Variants in FSTL5 observed in about 807,000 individuals in gnomAD.
The protein encoded by FSTL5 is follistatin like 5, also known as follistatin-related protein 5.
In FSTL5, 62 loss-of-function variants were observed where a neutral mutation model predicts 89.1. The ratio of observed to expected loss-of-function variants is 0.70; its 90% CI spans 0.57 to 0.86. FSTL5 has a LOEUF of 0.86. Ranked by LOEUF, FSTL5 falls within the 40% of genes least tolerant of loss-of-function variation. The probability of loss-of-function intolerance (pLI) is 0.00; values close to 1 mark genes in which losing one functional copy is unlikely to be tolerated. For synonymous variants in FSTL5, 383 were observed against 346.2 expected (o/e 1.11, Z -1.18); for missense variants, 1,057 against 1,001.6 (o/e 1.06, Z -0.75).
chr4:161,745,683 T>C (rs560562995), intron 6 of FSTL5, among the ~76,000 whole-genome samples: 1 of 152,094 alleles, frequency 6.6e-6, no homozygotes, highest in Admixed American at 6.6e-5. Context: ...AAAAAATCAC[T>C]CATTGTAGCA....
At chr4:161,431,497 T>C (rs1043964423) in intron 15 of FSTL5, among the ~76,000 whole-genome samples, 2 of 145,292 alleles carry the variant, frequency 1.4e-5, no homozygotes, top group Non-Finnish European at 3.0e-5. Flanking sequence ...AATGAAAACA[T>C]ACTACCAGAA....
At chr4:161,962,112 G>A (rs359509) in intron 3 of FSTL5, among the ~76,000 whole-genome samples, 150,294 of 151,944 alleles carry the variant, frequency 0.99, 74,358 homozygotes, top group Middle Eastern at 1. Context: ...GCACTTGCAG[G>A]AATATTAAAT....
At chr4:161,684,873 T>C (rs564467476) in intron 6 of FSTL5, among the ~76,000 whole-genome samples, 3 of 152,328 alleles carry the variant, frequency 2.0e-5, no homozygotes, top group Admixed American at 6.5e-5. Context: ...TCTTGTAGAA[T>C]TTTTATAGTT....
At chr4:161,598,668 C>T (rs1027946374) in intron 7 of FSTL5, among the ~76,000 whole-genome samples, 4 of 151,990 alleles carry the variant, frequency 2.6e-5, no homozygotes, top group African/African-American at 9.7e-5. Flanking sequence ...ATATACGATA[C>T]CTAGATAGCC....
At chr4:162,142,713 A>G (rs1320264641) in intron 1 of FSTL5, among the ~76,000 whole-genome samples, 2 of 152,124 alleles carry the variant, frequency 1.3e-5, no homozygotes, top group African/African-American at 2.4e-5. Context: ...TTATTGATAT[A>G]CTCCAATTTT....
intron 5 of FSTL5, among the ~76,000 whole-genome samples, chr4:161,763,277 T>C (rs1740871955): frequency 6.6e-6 from 1 of 152,004 alleles, no homozygotes; most frequent in Non-Finnish European, 1.5e-5. Context: ...CAAAGAAATA[T>C]AGTAGTAAAT....
At chr4:162,009,458 A>G (rs928627628) in intron 3 of FSTL5, among the ~76,000 whole-genome samples, 1 of 152,202 alleles carries the variant, frequency 6.6e-6, no homozygotes, top group African/African-American at 2.4e-5. Context: ...CAAAATGAAT[A>G]CAATAATTGT....
At chr4:161,784,004 C>T (rs1010893085) in intron 4 of FSTL5, among the ~76,000 whole-genome samples, 1 of 150,830 alleles carries the variant, frequency 6.6e-6, no homozygotes, top group Admixed American at 6.6e-5. Context: ...GGCGTGATCT[C>T]GGCTCACTGC....
intron 2 of FSTL5, among the ~76,000 whole-genome samples, chr4:162,059,105 A>G (rs1338768993): frequency 6.6e-6 from 1 of 152,216 alleles, no homozygotes; most frequent in African/African-American, 2.4e-5. Context: ...GGCCATAGGC[A>G]TATCTTTTAA....
At chr4:161,495,071 AAAC>A (rs70937657) in intron 12 of FSTL5, 7 of 152,120 alleles carry the variant, frequency 4.6e-5, no homozygotes, top group Middle Eastern at 3.1e-3. Context: ...CAATAAAACA[AAAC>A]AACAACAACA....
At chr4:161,572,496 A>G (rs1384315979) in intron 8 of FSTL5, among the ~76,000 whole-genome samples, 1 of 152,104 alleles carries the variant, frequency 6.6e-6, no homozygotes, top group East Asian at 1.9e-4. Flanking sequence ...CAGACACAGA[A>G]GACTCACTGA....
At chr4:161,475,965 G>A (rs1299419650) in intron 13 of FSTL5, among the ~76,000 whole-genome samples, 1 of 151,946 alleles carries the variant, frequency 6.6e-6, no homozygotes, top group Non-Finnish European at 1.5e-5. Context: ...GTGTTAGCGA[G>A]GATGGTCTTG....
chr4:161,670,797 C>T (rs952919222), intron 6 of FSTL5, among the ~76,000 whole-genome samples: 7 of 152,118 alleles, frequency 4.6e-5, no homozygotes, highest in Non-Finnish European at 1.0e-4. Context: ...CTTAACTATG[C>T]AAATCTAGAA....
intron 15 of FSTL5, among the ~76,000 whole-genome samples, chr4:161,406,012 C>A (rs1422118464): frequency 6.6e-6 from 1 of 152,034 alleles, no homozygotes; most frequent in Admixed American, 6.6e-5. Flanking sequence ...ACTAGACTTA[C>A]CACATAAGAA....
chr4:161,604,063 C>A (rs1734349797), intron 7 of FSTL5, among the ~76,000 whole-genome samples: 1 of 152,010 alleles, frequency 6.6e-6, no homozygotes, highest in African/African-American at 2.4e-5. Flanking sequence ...TAAAACTAAC[C>A]AACTCTTGAT....
At chr4:161,819,945 TAA>T (rs952569252) in intron 4 of FSTL5, among the ~76,000 whole-genome samples, 4 of 151,784 alleles carry the variant, frequency 2.6e-5, no homozygotes, top group Non-Finnish European at 2.9e-5. Context: ...AAAAAAAAAT[TAA>T]GTTTTTTTTA....
At chr4:161,405,359 A>C (rs1731338321) in intron 15 of FSTL5, among the ~76,000 whole-genome samples, 1 of 152,168 alleles carries the variant, frequency 6.6e-6, no homozygotes, top group Non-Finnish European at 1.5e-5. Flanking sequence ...AAAAATTAAC[A>C]AAGAATTATA....
At chr4:161,808,042 G>A (rs1382838023) in intron 4 of FSTL5, among the ~76,000 whole-genome samples, 1 of 152,104 alleles carries the variant, frequency 6.6e-6, no homozygotes, top group African/African-American at 2.4e-5. Flanking sequence ...TGGCTGAAAT[G>A]TAATATACTG....
chr4:161,657,248 T>C (rs1736550342), intron 6 of FSTL5, among the ~76,000 whole-genome samples: 1 of 152,206 alleles, frequency 6.6e-6, no homozygotes, highest in Non-Finnish European at 1.5e-5. Context: ...TGTATCATTG[T>C]CAATTTTCAT....
Sources: gnomAD v4.1 joint callset for allele counts (sites outside exome capture counted in the v4.1 genomes callset) on GRCh38, gnomAD v4.1.1 for gene constraint, MANE v1.5 for transcripts, NCBI Gene and HGNC (gene_info 2026-07-23, HGNC 2026-07-21) for gene names.